Variants in UNC13C observed in about 807,000 individuals in gnomAD.
The protein encoded by UNC13C is protein unc-13 homolog C.
In UNC13C, 174 loss-of-function variants were observed where a neutral mutation model predicts 245.4. That is an observed-to-expected ratio of 0.71 (90% confidence interval 0.63 to 0.80). The LOEUF is 0.80. Among genes scored for constraint, UNC13C ranks in the 30% least tolerant of loss-of-function variants. The probability of loss-of-function intolerance (pLI) is 0.00; values close to 1 mark genes in which losing one functional copy is unlikely to be tolerated. For missense variants in UNC13C, 2,829 were observed against 2,602.9 expected, an observed-to-expected ratio of 1.09 and a Z score of -1.89; for synonymous variants, 992 against 895.1, an observed-to-expected ratio of 1.11 and a Z score of -1.93.
intron 29 of UNC13C, among the ~76,000 whole-genome samples, chr15:54,562,088 G>A (rs1470000463): frequency 6.6e-6 from 1 of 151,892 alleles, no homozygotes; most frequent in African/African-American, 2.4e-5. Context: ...GCAGGAATGT[G>A]GAAATCAATA....
At chr15:54,518,791 G>A (rs1425542800) in intron 24 of UNC13C, among the ~76,000 whole-genome samples, 3 of 152,164 alleles carry the variant, frequency 2.0e-5, no homozygotes, top group African/African-American at 7.2e-5. Context: ...ATGCAGGAAT[G>A]TGAAGAAACA....
In UNC13C at chr15:54,383,190, A is replaced by G. The variant is rs74621641; in HGVS notation, c.4714-9858A>G. Among the ~76,000 whole-genome samples the G allele has an allele frequency of 6.7e-3, 1,014 of 152,310 alleles. 8 individuals are homozygous for G. Among genetic ancestry groups the G allele is most frequent in the Non-Finnish European group, 9.1e-3 (617 of 68,024 alleles). The stretch of plus-strand genomic sequence containing the variant: ...ATAGAGAATTCTCCCTACTCATTCT[A>G]TGAGGCTAGCATTTTCCTAATACTC... On this transcript the variant is annotated intron_variant, in intron 17 of 32. Coordinates refer to ENST00000260323, the MANE Select transcript of UNC13C (RefSeq NM_001080534.3).
intron 2 of UNC13C, among the ~76,000 whole-genome samples, chr15:54,063,932 A>T (rs1350129551): frequency 6.6e-6 from 1 of 152,204 alleles, no homozygotes; most frequent in Non-Finnish European, 1.5e-5. Flanking sequence ...TAGGAGTTTC[A>T]TGGATAAAAC....
At chr15:53,970,867 T>G in the UNC13C span, among the ~76,000 whole-genome samples, 1 of 152,206 alleles carries the variant, frequency 6.6e-6, no homozygotes, top group Non-Finnish European at 1.5e-5. Flanking sequence ...CTTTTGGATA[T>G]ATACCCAGAA....
At chr15:54,126,001 C>A (rs1274904302) in intron 2 of UNC13C, among the ~76,000 whole-genome samples, 1 of 151,606 alleles carries the variant, frequency 6.6e-6, no homozygotes, top group Non-Finnish European at 1.5e-5. Flanking sequence ...AAAAACAATA[C>A]AAAGAAATAT....
intron 4 of UNC13C, among the ~76,000 whole-genome samples, chr15:54,234,529 G>T (rs2035638255): frequency 1.3e-5 from 2 of 152,244 alleles, no homozygotes; most frequent in African/African-American, 2.4e-5. Context: ...GGAACTTGCG[G>T]TATAAGGGTA....
intron 1 of UNC13C, among the ~76,000 whole-genome samples, chr15:54,012,219 T>C (rs1895412355): frequency 6.6e-6 from 1 of 152,174 alleles, no homozygotes; most frequent in Non-Finnish European, 1.5e-5. Flanking sequence ...ATAATATTAA[T>C]TTGTGAATTT....
chr15:54,049,969 C>T (rs1338146903), intron 2 of UNC13C: 2 of 218,988 alleles, frequency 9.1e-6, no homozygotes, highest in Non-Finnish European at 1.9e-5. Context: ...AGCATTTGAT[C>T]GAAGAGGTTT....
At chr15:54,170,085 C>T (rs1315055651) in intron 4 of UNC13C, among the ~76,000 whole-genome samples, 1 of 146,342 alleles carries the variant, frequency 6.8e-6, no homozygotes, top group Non-Finnish European at 1.5e-5. Context: ...ATTATTTAAA[C>T]ATTGAATGCT....
chr15:54,371,360 T>C (rs1210595098), intron 17 of UNC13C, among the ~76,000 whole-genome samples: 3 of 152,174 alleles, frequency 2.0e-5, no homozygotes, highest in African/African-American at 7.2e-5. Context: ...TGGAAATGTA[T>C]AGAATATAAG....
At chr15:54,028,705 T>TTTTTTTTTTG (rs1555405205) in intron 2 of UNC13C, among the ~76,000 whole-genome samples, 1 of 147,478 alleles carries the variant, frequency 6.8e-6, no homozygotes, top group African/African-American at 2.5e-5. Flanking sequence ...TTTTTTTTTT[T>TTTTTTTTTTG]GAGACGGAGT....
intron 19 of UNC13C, among the ~76,000 whole-genome samples, chr15:54,482,171 C>G (rs1221386891): frequency 6.6e-6 from 1 of 152,082 alleles, no homozygotes; most frequent in Non-Finnish European, 1.5e-5. Flanking sequence ...ACTGCCGTGT[C>G]CAGCTAGTGT....
At chr15:54,037,891 G>A (rs2141027658) in intron 2 of UNC13C, among the ~76,000 whole-genome samples, 1 of 136,914 alleles carries the variant, frequency 7.3e-6, no homozygotes, top group African/African-American at 2.6e-5. Flanking sequence ...CAAATATATG[G>A]AAATCTGTAT....
Position 54,033,714 on chromosome 15 carries a change from C to A in UNC13C, c.2983+17828C>A, listed in dbSNP as rs116756843. ...AGCCAAAACCCAGAGATATTATGTACCTGGGTAATTTTTAAATGTTAGGAC... is the reference window on the plus strand; with the variant it reads ...AGCCAAAACCCAGAGATATTATGTAACTGGGTAATTTTTAAATGTTAGGAC... On this transcript the variant is annotated intron_variant, in intron 2 of 32. Coordinates refer to ENST00000260323, the MANE Select transcript of UNC13C (RefSeq NM_001080534.3). Among the ~76,000 whole-genome samples the A allele has an allele frequency of 4.5e-3, 687 of 152,154 alleles. 5 individuals carry two copies. The highest frequency in any genetic ancestry group is 0.016 in the African/African-American group (660 of 41,504).
rs141082173 is a variant in UNC13C, at chr15:54,450,647, C to T, written c.4933+35580C>T. 7.1e-3 allele frequency among the ~76,000 whole-genome samples: 1,083 copies of T among 152,308 alleles called. 9 individuals carry two copies. Among genetic ancestry groups the T allele is most frequent in the Middle Eastern group, 0.034 (10 of 294 alleles). On this transcript the variant is annotated intron_variant, in intron 19 of 32. Coordinates refer to ENST00000260323, the MANE Select transcript of UNC13C (RefSeq NM_001080534.3). ...GCACAGTATTAGGGTGGGAGTGACCCAATTTTCCAGGTGCGGTCTGTCACA... is the reference window on the plus strand; with the variant it reads ...GCACAGTATTAGGGTGGGAGTGACCTAATTTTCCAGGTGCGGTCTGTCACA...
chr15:54,338,416 GGGCTTGCCT>G lies in UNC13C; in HGVS notation c.4643_4651del (p.Ala1548_Leu1550del). ...AGCATGGTGGTGAAGGACTGTGTAA[GGGCTTGCCT>G]GGATTCTACATACAAGTATATTTTT... is the stretch of plus-strand genomic sequence containing the variant. On this transcript the variant is annotated inframe_deletion, in exon 17 of 33. Coordinates refer to ENST00000260323, the MANE Select transcript of UNC13C (RefSeq NM_001080534.3). 1 of 1,613,870 alleles carries G rather than the reference GGGCTTGCCT, an allele frequency of 6.2e-7. No homozygotes were observed. Among genetic ancestry groups the G allele is most frequent in the Non-Finnish European group, 8.5e-7 (1 of 1,179,804 alleles).
At chr15:53,862,504 G>C in the UNC13C span, among the ~76,000 whole-genome samples, 1 of 152,104 alleles carries the variant, frequency 6.6e-6, no homozygotes, top group African/African-American at 2.4e-5. Flanking sequence ...CAAAGTGCAT[G>C]TTTAAGAATG....
In UNC13C at chr15:54,049,602, A is replaced by G. The variant is rs1296771345; in HGVS notation, c.2983+33716A>G. The G allele has an allele frequency of 5.3e-5, 13 of 245,638 alleles. 1 individual carries two copies. The highest frequency in any genetic ancestry group is 4.5e-4 in the South Asian group (9 of 19,872). The allele number at this position is 245,638 out of a possible 1,614,324, so 15.2% of individuals were successfully genotyped here. On this transcript the variant is annotated intron_variant, in intron 2 of 32. Transcript: ENST00000260323. The stretch of plus-strand genomic sequence containing the variant: ...ATTACTTGAAACTTTTTCCACTCCC[A>G]GTGTTTTTCCACCACAGGTGCAAAA...
the UNC13C span, among the ~76,000 whole-genome samples, chr15:53,944,230 A>G: frequency 4.0e-3 from 603 of 152,240 alleles, 2 homozygotes; most frequent in African/African-American, 0.014. Context: ...TATTATTTTA[A>G]TAATTTAATT....
Sources: gnomAD v4.1 joint callset for allele counts (sites outside exome capture counted in the v4.1 genomes callset) on GRCh38, gnomAD v4.1.1 for gene constraint, MANE v1.5 for transcripts, NCBI Gene and HGNC (gene_info 2026-07-23, HGNC 2026-07-21) for gene names.